MAP1B: variants seen among roughly 807,000 people sequenced by gnomAD.
The protein encoded by MAP1B is microtubule-associated protein 1B.
In MAP1B, 12 loss-of-function variants were observed where a neutral mutation model predicts 176.1. That is an observed-to-expected ratio of 0.07 (90% CI 0.04 to 0.11). MAP1B has a LOEUF of 0.11. Among genes scored for constraint, MAP1B ranks in the 10% least tolerant of loss-of-function variants. MAP1B has a pLI of 1.00. For missense variants in MAP1B, 2,523 were observed against 2,990.5 expected (o/e 0.84, Z 3.65); for synonymous variants, 1,044 against 1,135.0 (o/e 0.92, Z 1.61).
At chr5:72,190,448 C>A (rs1208801707) in intron 4 of MAP1B, among the ~76,000 whole-genome samples, 1 of 152,236 alleles carries the variant, frequency 6.6e-6, no homozygotes, top group East Asian at 1.9e-4. Context: ...ATCTCCCAAT[C>A]CTGTAGTTTA....
At chr5:72,118,370 A>C (rs957834106) in intron 2 of MAP1B, among the ~76,000 whole-genome samples, 3 of 131,656 alleles carry the variant, frequency 2.3e-5, no homozygotes, top group East Asian at 3.1e-4. Context: ...TGGATCCCCT[A>C]AAAAAAAATA....
chr5:72,193,322 CT>C (rs2112230002), intron 4 of MAP1B: 1 of 369,876 alleles, frequency 2.7e-6, no homozygotes, highest in East Asian at 7.8e-5. Flanking sequence ...ATCTGAATTT[CT>C]TTAAGGTATC....
chr5:72,163,932 T>TTC (rs1746376797), intron 2 of MAP1B, among the ~76,000 whole-genome samples: 1 of 115,924 alleles, frequency 8.6e-6, no homozygotes, highest in African/African-American at 4.2e-5. Flanking sequence ...TTTTTTTTCT[T>TTC]TTTTTTTTTT....
chr5:72,117,130 A>G (rs751096927), intron 2 of MAP1B, among the ~76,000 whole-genome samples: 1 of 151,968 alleles, frequency 6.6e-6, no homozygotes, highest in Non-Finnish European at 1.5e-5. Flanking sequence ...ATGAAAAATC[A>G]GTTTTTAAGT....
chr5:72,134,553 G>A (rs1745796562), intron 2 of MAP1B, among the ~76,000 whole-genome samples: 1 of 152,066 alleles, frequency 6.6e-6, no homozygotes, highest in Non-Finnish European at 1.5e-5. Flanking sequence ...GTTAACGGAA[G>A]CTGTTGTCTT....
chr5:72,122,692 T>C (rs1745551945), intron 2 of MAP1B, among the ~76,000 whole-genome samples: 1 of 151,660 alleles, frequency 6.6e-6, no homozygotes, highest in Admixed American at 6.6e-5. Flanking sequence ...CTGCTGACTG[T>C]AATGGCTCTC....
chr5:72,178,757 T>TGTG lies in MAP1B; in HGVS notation c.287-4985_287-4983dup, dbSNP rs1317760113. 2.6e-5 allele frequency among the ~76,000 whole-genome samples: 4 copies of TGTG among 151,938 alleles called. No individual in the cohort carries two copies. In the East Asian group the frequency reaches 7.7e-4, roughly 29 times the overall value. On this transcript the variant is annotated intron_variant, in intron 2 of 6. Transcript: ENST00000296755. ...GTGTGTGTGTGTGTGTGTGTGTGTG[T>TGTG]GTGTGTGTGTGTGTAGATGAATGCT...
chr5:72,162,759 C>T (rs1431143983), intron 2 of MAP1B, among the ~76,000 whole-genome samples: 1 of 152,150 alleles, frequency 6.6e-6, no homozygotes, highest in Non-Finnish European at 1.5e-5. Context: ...TTCTCTTCCA[C>T]TTTGAGTCCT....
At chr5:72,162,047 A>T (rs1418669778) in intron 2 of MAP1B, among the ~76,000 whole-genome samples, 1 of 152,098 alleles carries the variant, frequency 6.6e-6, no homozygotes, top group African/African-American at 2.4e-5. Context: ...AAGAGCTAGT[A>T]CTAAGTTATC....
intron 2 of MAP1B, among the ~76,000 whole-genome samples, chr5:72,167,305 CA>C (rs1746451021): frequency 6.6e-6 from 1 of 152,042 alleles, no homozygotes; most frequent in Non-Finnish European, 1.5e-5. Flanking sequence ...AAACAAGAAG[CA>C]AAAATTTTAC....
chr5:72,137,221 G>T (rs556479999), intron 2 of MAP1B, among the ~76,000 whole-genome samples: 6 of 152,270 alleles, frequency 3.9e-5, no homozygotes, highest in Admixed American at 3.3e-4. Flanking sequence ...CTGTAGACTG[G>T]TGTTGACCTC....
chr5:72,179,256 C>T (rs1479830273), intron 2 of MAP1B, among the ~76,000 whole-genome samples: 2 of 152,156 alleles, frequency 1.3e-5, no homozygotes, highest in African/African-American at 4.8e-5. Context: ...AGGTCGAGCC[C>T]CCGCTTTTGC....
intron 2 of MAP1B, among the ~76,000 whole-genome samples, chr5:72,118,490 G>A (rs746218498): frequency 1.3e-5 from 2 of 152,182 alleles, no homozygotes; most frequent in Non-Finnish European, 2.9e-5. Context: ...AACAAATACA[G>A]TCATTACCTT....
chr5:72,112,233 A>C (rs945588721), intron 1 of MAP1B, among the ~76,000 whole-genome samples: 3 of 152,226 alleles, frequency 2.0e-5, no homozygotes. Context: ...CAAAGGCCCA[A>C]ATAACTGTCA....
chr5:72,115,615 G>C (rs1745418151), intron 1 of MAP1B, 83 bp from the exon 2 acceptor site: 2 of 826,572 alleles, frequency 2.4e-6, no homozygotes, highest in Non-Finnish European at 4.3e-6. Flanking sequence ...CTGAAAGCCT[G>C]AGAAATATTA....
chr5:72,185,651 A>C (rs1462314768), intron 3 of MAP1B, among the ~76,000 whole-genome samples: 1 of 152,190 alleles, frequency 6.6e-6, no homozygotes, highest in Non-Finnish European at 1.5e-5. Flanking sequence ...ATGTCCAGGC[A>C]AACTGCCCGG....
rs184048020 is a variant in MAP1B at position 72,200,831 on chromosome 5, A to T, written c.7012+464A>T. ...GACCCAAGATTTAGAGTCCTTTTTTAAAAAAAATTTTTTTTAAATTAAAAA... is the reference window on the plus strand; with the variant it reads ...GACCCAAGATTTAGAGTCCTTTTTTTAAAAAAATTTTTTTTAAATTAAAAA... On this transcript the variant is annotated intron_variant, in intron 5 of 6. Transcript: ENST00000296755. Among the ~76,000 whole-genome samples, 508 of 152,216 alleles carry T rather than the reference A, an allele frequency of 3.3e-3. 1 individual carries two copies. Among genetic ancestry groups the T allele is most frequent in the African/African-American group, 0.012 (488 of 41,530 alleles).
chr5:72,136,818 A>T (rs2112148605), intron 2 of MAP1B, among the ~76,000 whole-genome samples: 1 of 152,310 alleles, frequency 6.6e-6, no homozygotes, highest in East Asian at 1.9e-4. Flanking sequence ...TATTGTCCAG[A>T]GGGTGCTAAT....
At position 72,199,970 on chromosome 5, in the gene MAP1B, G is replaced by A. The variant is rs1747293683; in HGVS notation, c.6615G>A (p.Val2205=). Residue 2205 remains valine (V), a synonymous_variant, in exon 5 of 7, where the codon GTG becomes GTA. Coordinates refer to ENST00000296755, the MANE Select transcript of MAP1B (RefSeq NM_005909.5). This position sits in a 1 kb window ranked among gnomAD's most constrained non-coding sequence, Gnocchi z 4.2. ...ACATGGACCCACCTCCAGCTCCCGTGCAAGACCGCAGCCCTTCGCCACGCC... is the reference window on the plus strand; with the variant it reads ...ACATGGACCCACCTCCAGCTCCCGTACAAGACCGCAGCCCTTCGCCACGCC... ...YKHMDPPPAP[V]QDRSPSPRHP... The A allele has an allele frequency of 2.5e-6, 4 of 1,614,080 alleles. No homozygotes were observed. The South Asian group carries it at 3.3e-5, about 13-fold the overall frequency.
Sources: allele counts gnomAD v4.1 joint callset (sites outside exome capture counted in the v4.1 genomes callset), GRCh38; gene constraint gnomAD v4.1.1; non-coding constraint Gnocchi (gnomAD v3.1); transcripts MANE v1.5; gene names NCBI Gene and HGNC (gene_info 2026-07-23, HGNC 2026-07-21).